The following CHMP4B variants were observed in gnomAD, a reference collection of about 807,000 sequenced individuals.
The protein encoded by CHMP4B is charged multivesicular body protein 4B.
A neutral mutation model predicts 25.1 loss-of-function variants in CHMP4B; 1 was observed. The observed-to-expected ratio is 0.04, with a 90% CI of 0.01 to 0.19. CHMP4B has a LOEUF of 0.19. Among genes scored for constraint, CHMP4B ranks in the 10% least tolerant of loss-of-function variants. The pLI is 1.00. For missense variants in CHMP4B, 151 were observed against 289.7 expected (o/e 0.52, Z 3.48); for synonymous variants, 101 against 115.6 (o/e 0.87, Z 0.81).
At chr20:33,821,467 G>A (rs568221117) in intron 1 of CHMP4B, among the ~76,000 whole-genome samples, 7 of 151,910 alleles carry the variant, frequency 4.6e-5, no homozygotes, top group Admixed American at 3.9e-4. Flanking sequence ...GACTTTACAT[G>A]TGTGTAGCCC....
chr20:33,816,690 T>C (rs557632871), intron 1 of CHMP4B, among the ~76,000 whole-genome samples: 2 of 152,378 alleles, frequency 1.3e-5, no homozygotes, highest in South Asian at 2.1e-4. Flanking sequence ...ATATCTACTC[T>C]AGATGGTTCA....
intron 1 of CHMP4B, among the ~76,000 whole-genome samples, chr20:33,836,089 C>T (rs372588218): frequency 5.3e-5 from 8 of 152,270 alleles, no homozygotes; most frequent in East Asian, 1.9e-4. Context: ...GTTTCTCCTT[C>T]GCTTTTTAAG....
intron 1 of CHMP4B, among the ~76,000 whole-genome samples, chr20:33,823,138 T>A (rs6087528): frequency 0.11 from 15,658 of 148,070 alleles, 901 homozygotes; most frequent in East Asian, 0.22. Context: ...CAAAGAAAAA[T>A]TTTTTTTTTT....
intron 1 of CHMP4B, among the ~76,000 whole-genome samples, chr20:33,814,397 CAG>C (rs1978725471): frequency 6.6e-6 from 1 of 152,112 alleles, no homozygotes; most frequent in African/African-American, 2.4e-5. Context: ...ATGATTATAA[CAG>C]TGCAGAAACA....
chr20:33,845,886 T>C (rs1022585839), intron 1 of CHMP4B, among the ~76,000 whole-genome samples: 1 of 152,212 alleles, frequency 6.6e-6, no homozygotes, highest in African/African-American at 2.4e-5. Flanking sequence ...CTGACATTAC[T>C]GATGGCAAAG....
intron 1 of CHMP4B, among the ~76,000 whole-genome samples, chr20:33,837,881 A>G (rs1310181091): frequency 6.6e-6 from 1 of 152,188 alleles, no homozygotes; most frequent in East Asian, 1.9e-4. Flanking sequence ...GTTTGTTTCA[A>G]TCCTGTTATT....
intron 1 of CHMP4B, among the ~76,000 whole-genome samples, chr20:33,829,088 T>C (rs1979171889): frequency 6.6e-6 from 1 of 152,240 alleles, no homozygotes; most frequent in Non-Finnish European, 1.5e-5. Context: ...ATTGTTGGCC[T>C]CTGTCTTGGG....
intron 4 of CHMP4B, among the ~76,000 whole-genome samples, chr20:33,852,468 G>A (rs566885639): frequency 1.3e-5 from 2 of 150,272 alleles, no homozygotes; most frequent in South Asian, 2.1e-4. Context: ...TCTCTGGGCC[G>A]AGAGATGGAG....
chr20:33,844,761 C>CT (rs1236212337), intron 1 of CHMP4B, among the ~76,000 whole-genome samples: 382 of 142,232 alleles, frequency 2.7e-3, no homozygotes, highest in African/African-American at 4.0e-3. Flanking sequence ...AGTGTTTGCT[C>CT]TTTTTTTTTT....
In CHMP4B at chr20:33,853,489, C is replaced by T. The variant is rs770619042; in HGVS notation, c.611-7C>T. On this transcript the variant is annotated splice_polypyrimidine_tract_variant and splice_region_variant and intron_variant, in intron 4 of 4. Coordinates refer to ENST00000217402, the MANE Select transcript of CHMP4B (RefSeq NM_176812.5). ...CATCCTAAATAGCCTTTTCTGTCTT[C>T]ACACAGCCAAGAAGAAAGAAGAGGA... The T allele has an allele frequency of 6.2e-7, 1 of 1,613,660 alleles. No individual in the cohort carries two copies. The highest frequency in any genetic ancestry group is 2.2e-5 in the East Asian group (1 of 44,860).
rs959503600 is a variant in CHMP4B, at chr20:33,846,928, T to A, written c.191-1539T>A. ...CCATTGCAGGGGAGCAAAAAATAGC[T>A]TCCCTTCTAGTTTCTTTGGCTGGGC... On this transcript the variant is annotated intron_variant, in intron 1 of 4. Transcript: ENST00000217402. Among the ~76,000 whole-genome samples the A allele has an allele frequency of 5.0e-4, 76 of 152,360 alleles. 1 individual carries two copies. In the Middle Eastern group the frequency reaches 0.017, roughly 34 times the overall value.
chr20:33,829,203 G>A (rs911398367), intron 1 of CHMP4B, among the ~76,000 whole-genome samples: 2 of 152,194 alleles, frequency 1.3e-5, no homozygotes, highest in African/African-American at 4.8e-5. Flanking sequence ...AGAGAGGAGG[G>A]TGTGTGGTAT....
chr20:33,833,927 G>A (rs1601322975), intron 1 of CHMP4B, among the ~76,000 whole-genome samples: 1 of 152,334 alleles, frequency 6.6e-6, no homozygotes, highest in South Asian at 2.1e-4. Flanking sequence ...AGGGTATCAT[G>A]AGCAAAGTGT....
At chr20:33,830,964 A>T (rs1246516442) in intron 1 of CHMP4B, among the ~76,000 whole-genome samples, 3 of 50,408 alleles carry the variant, frequency 6.0e-5, no homozygotes, top group Non-Finnish European at 1.2e-4. Flanking sequence ...TTTTTGAGAC[A>T]GGGTCCTGCT....
In CHMP4B at chr20:33,818,490, G is replaced by C. The variant is rs372679847; in HGVS notation, c.190+6832G>C. On this transcript the variant is annotated intron_variant, in intron 1 of 4. Coordinates refer to ENST00000217402, the MANE Select transcript of CHMP4B (RefSeq NM_176812.5). ...AGGTGCCCTATCCTCTCACACTATA[G>C]CATAGTCTGTCTCTGGACAGCTCCA... 3.3e-5 allele frequency among the ~76,000 whole-genome samples: 5 copies of C among 151,900 alleles called. No homozygotes were observed. The East Asian group carries it at 7.8e-4, about 24-fold the overall frequency.
chr20:33,816,475 T>A (rs1310584093), intron 1 of CHMP4B, among the ~76,000 whole-genome samples: 1 of 152,208 alleles, frequency 6.6e-6, no homozygotes, highest in Admixed American at 6.5e-5. Context: ...GAAACCAAGA[T>A]CAGAGTTTAG....
At chr20:33,827,420 A>G (rs1979125075) in intron 1 of CHMP4B, among the ~76,000 whole-genome samples, 2 of 152,260 alleles carry the variant, frequency 1.3e-5, no homozygotes, top group South Asian at 4.1e-4. Context: ...GGAGTAGCTC[A>G]GCCTTCATCT....
chr20:33,826,095 G>A (rs6142031), intron 1 of CHMP4B, among the ~76,000 whole-genome samples: 3 of 152,192 alleles, frequency 2.0e-5, no homozygotes, highest in African/African-American at 7.2e-5. Context: ...GAGGGCTGTA[G>A]AGAAAGACAG....
intron 1 of CHMP4B, among the ~76,000 whole-genome samples, chr20:33,819,960 G>T (rs1384021280): frequency 6.6e-6 from 1 of 151,876 alleles, no homozygotes; most frequent in Non-Finnish European, 1.5e-5. Context: ...GAGGTCAGGA[G>T]ATCGAGACCA....
Sources: gnomAD v4.1 joint callset for allele counts (sites outside exome capture counted in the v4.1 genomes callset) on GRCh38, gnomAD v4.1.1 for gene constraint, MANE v1.5 for transcripts, NCBI Gene and HGNC (gene_info 2026-07-23, HGNC 2026-07-21) for gene names.